TMTC4: variants seen among roughly 807,000 people sequenced by gnomAD.
TMTC4 encodes transmembrane O-mannosyltransferase targeting cadherins 4.
Under a neutral mutation model 86.0 loss-of-function variants are expected in TMTC4, and 65 were observed. That is an observed-to-expected ratio of 0.76 (90% CI 0.62 to 0.93). The LOEUF is 0.93. Among genes scored for constraint, TMTC4 ranks in the 40% least tolerant of loss-of-function variants. The probability of loss-of-function intolerance (pLI) is 0.00; values close to 1 mark genes in which losing one functional copy is unlikely to be tolerated. For synonymous variants in TMTC4, 379 were observed against 382.5 expected, an observed-to-expected ratio of 0.99 and a Z score of 0.11; for missense variants, 866 against 948.1, an observed-to-expected ratio of 0.91 and a Z score of 1.14.
At chr13:100,655,959 C>T (rs1460352785) in intron 6 of TMTC4, among the ~76,000 whole-genome samples, 1 of 152,144 alleles carries the variant, frequency 6.6e-6, no homozygotes, top group African/African-American at 2.4e-5. Context: ...GAAGGAGGGA[C>T]AGTGTATGAA....
At chr13:100,661,129 G>A (rs763451807) in intron 5 of TMTC4, among the ~76,000 whole-genome samples, 1 of 152,218 alleles carries the variant, frequency 6.6e-6, no homozygotes, top group South Asian at 2.1e-4. Context: ...TGGATGTCAT[G>A]GTGGGGAGGG....
Position 100,614,395 on chromosome 13 carries a change from A to G in TMTC4, c.1872T>C (p.Asn624=). The change falls in exon 16 of 19, where the codon AAT becomes AAC. Residue 624 remains asparagine, a synonymous_variant. Transcript: ENST00000342624. ...ADLNRHVDAL[N]AWRNATVLKP... ...TCAGCACGGTGGCATTTCTCCACGC[A>G]TTCAAGGCATCCACGTGGCGATTGA... The G allele has an allele frequency of 6.2e-7, 1 of 1,613,864 alleles. No homozygotes were observed. Among genetic ancestry groups the G allele is most frequent in the Non-Finnish European group, 8.5e-7 (1 of 1,179,968 alleles).
chr13:100,648,293 G>C (rs1213239536), intron 6 of TMTC4, among the ~76,000 whole-genome samples: 1 of 151,746 alleles, frequency 6.6e-6, no homozygotes, highest in Non-Finnish European at 1.5e-5. Flanking sequence ...TGTGTTGTTA[G>C]TGTGGAATAC....
chr13:100,638,094 T>C (rs1882515731), intron 7 of TMTC4, 72 bp from the exon 8 acceptor site: 1 of 1,152,056 alleles, frequency 8.7e-7, no homozygotes, highest in Non-Finnish European at 1.3e-6. Flanking sequence ...CACTTCACAA[T>C]TTCATTACTC....
At chr13:100,627,846 G>C (rs1187470977) in intron 12 of TMTC4, among the ~76,000 whole-genome samples, 1 of 152,170 alleles carries the variant, frequency 6.6e-6, no homozygotes, top group Admixed American at 6.5e-5. Flanking sequence ...TGGTGGGAAA[G>C]AGATGTGAGT....
At position 100,631,699 on chromosome 13, in the gene TMTC4, T is replaced by C. The variant is rs371578338; in HGVS notation, c.1506+3106A>G. ...ACATCTGGCCCTAAATTAGAGCCAG[T>C]TGCCAATTTCTTACTTTATATTCAA... On this transcript the variant is annotated intron_variant, in intron 12 of 18. Coordinates refer to ENST00000342624, the MANE Select transcript of TMTC4 (RefSeq NM_032813.5). Among the ~76,000 whole-genome samples the C allele has an allele frequency of 7.2e-4, 109 of 152,268 alleles. 1 individual carries two copies. The South Asian group carries it at 0.022, about 31-fold the overall frequency.
At chr13:100,612,932 C>T (rs770234117) in intron 16 of TMTC4, among the ~76,000 whole-genome samples, 1 of 151,894 alleles carries the variant, frequency 6.6e-6, no homozygotes, top group Non-Finnish European at 1.5e-5. Context: ...TATATCTCTG[C>T]TCTACACCAT....
At chr13:100,668,502 A>C in intron 3 of TMTC4, 77 bp downstream of exon 3, 1 of 1,433,448 alleles carries the variant, frequency 7.0e-7, no homozygotes, top group Non-Finnish European at 9.7e-7. Flanking sequence ...CACAGAGAAC[A>C]ATGCAACACA....
chr13:100,669,999 T>C (rs963401146), intron 2 of TMTC4, among the ~76,000 whole-genome samples: 1 of 152,174 alleles, frequency 6.6e-6, no homozygotes, highest in Non-Finnish European at 1.5e-5. Context: ...CTGGCTGTAA[T>C]GAAGGCTCAG....
intron 15 of TMTC4, among the ~76,000 whole-genome samples, chr13:100,618,581 AG>A (rs1328252861): frequency 2.2e-4 from 34 of 151,680 alleles, no homozygotes; most frequent in African/African-American, 8.0e-4. Context: ...AGGGAAGGTC[AG>A]CAGATAAACA....
chr13:100,638,455 G>C (rs1255971393), intron 7 of TMTC4: 2 of 154,630 alleles, frequency 1.3e-5, no homozygotes, highest in African/African-American at 4.8e-5. Flanking sequence ...ACCCAGCCAT[G>C]TAAGTGAACC....
chr13:100,652,717 C>T (rs1250795867), intron 6 of TMTC4, among the ~76,000 whole-genome samples: 2 of 152,108 alleles, frequency 1.3e-5, no homozygotes, highest in Non-Finnish European at 2.9e-5. Flanking sequence ...TTACTGAGTG[C>T]CTGCTATGAG....
intron 6 of TMTC4, among the ~76,000 whole-genome samples, chr13:100,651,784 C>T (rs1884475960): frequency 6.6e-6 from 1 of 152,076 alleles, no homozygotes. Flanking sequence ...TGATATTAGG[C>T]CTTTCTTTGA....
intron 4 of TMTC4, 95 bp from the exon 5 acceptor site, chr13:100,663,275 A>C (rs559899955): frequency 9.1e-7 from 1 of 1,100,380 alleles, no homozygotes; most frequent in Admixed American, 2.1e-5. Context: ...TGGAAATATT[A>C]AAAGGAGAAG....
chr13:100,651,938 T>C (rs528518243), intron 6 of TMTC4, among the ~76,000 whole-genome samples: 7 of 152,304 alleles, frequency 4.6e-5, no homozygotes, highest in Admixed American at 2.6e-4. Context: ...TGCTGAACAT[T>C]TATAGACATG....
intron 16 of TMTC4, among the ~76,000 whole-genome samples, chr13:100,613,073 G>A (rs966540329): frequency 6.6e-6 from 1 of 152,044 alleles, no homozygotes; most frequent in African/African-American, 2.4e-5. Flanking sequence ...GACAACCATC[G>A]CCTCAAATAT....
chr13:100,646,723 A>C (rs1185902213), intron 6 of TMTC4, among the ~76,000 whole-genome samples: 1 of 152,244 alleles, frequency 6.6e-6, no homozygotes, highest in Non-Finnish European at 1.5e-5. Flanking sequence ...GCTTAGATCC[A>C]TCAAGCAAAC....
At chr13:100,652,109 G>C (rs1594342079) in intron 6 of TMTC4, among the ~76,000 whole-genome samples, 1 of 152,138 alleles carries the variant, frequency 6.6e-6, no homozygotes, top group Non-Finnish European at 1.5e-5. Flanking sequence ...AGGTTGCAGT[G>C]AGCCAAGATC....
At chr13:100,617,001 C>A (rs1407878630) in intron 15 of TMTC4, among the ~76,000 whole-genome samples, 1 of 152,178 alleles carries the variant, frequency 6.6e-6, no homozygotes, top group Non-Finnish European at 1.5e-5. Context: ...TGTGCAGAAA[C>A]CCTTTAGTTT....
Sources: allele counts gnomAD v4.1 joint callset (sites outside exome capture counted in the v4.1 genomes callset), GRCh38; gene constraint gnomAD v4.1.1; transcripts MANE v1.5; gene names NCBI Gene and HGNC (gene_info 2026-07-23, HGNC 2026-07-21).